Variants in SAMD5 observed in about 807,000 individuals in gnomAD.
SAMD5 encodes sterile alpha motif domain containing 5.
A neutral mutation model predicts 11.3 loss-of-function variants in SAMD5; 13 were observed. The ratio of observed to expected loss-of-function variants is 1.15; its 90% CI spans 0.75 to 1.83. The LOEUF (loss-of-function observed/expected upper bound fraction) is 1.83, where lower values mean the gene tolerates loss of function less well. Ranked by LOEUF, SAMD5 falls within the 40% of genes most tolerant of loss-of-function variation. The pLI is 0.00. For missense variants in SAMD5, 255 were observed against 239.1 expected, an observed-to-expected ratio of 1.07 and a Z score of -0.44; for synonymous variants, 129 against 111.3, an observed-to-expected ratio of 1.16 and a Z score of -1.00.
chr6:147,575,000 A>G (rs762069722), downstream of SAMD5, among the ~76,000 whole-genome samples: 20 of 152,238 alleles, frequency 1.3e-4, no homozygotes, highest in Non-Finnish European at 2.9e-4. Context: ...AACTATATTA[A>G]AAGTTTACAA....
At chr6:147,871,444 A>T in the SAMD5 span, among the ~76,000 whole-genome samples, 1 of 152,206 alleles carries the variant, frequency 6.6e-6, no homozygotes, top group Admixed American at 6.5e-5. Flanking sequence ...AAACGGAAAA[A>T]ACAAAAACAA....
chr6:147,715,246 C>T (rs1386290743), intron 1 of SAMD5, among the ~76,000 whole-genome samples: 2 of 152,234 alleles, frequency 1.3e-5, no homozygotes, highest in Non-Finnish European at 2.9e-5. Context: ...TCATGCCCGC[C>T]AAGAGTGAGC....
At chr6:147,667,809 TAAATAAGAGAAAATAAAAGATCATG>T (rs1790743657) in intron 1 of SAMD5, among the ~76,000 whole-genome samples, 1 of 152,080 alleles carries the variant, frequency 6.6e-6, no homozygotes, top group Non-Finnish European at 1.5e-5. Context: ...AATATCAGAG[TAAATAAGAGAAAATAAAAGATCATG>T]AAATAATATG....
chr6:147,555,043 C>A (rs1207221048), intron 1 of SAMD5, among the ~76,000 whole-genome samples: 1 of 152,190 alleles, frequency 6.6e-6, no homozygotes, highest in African/African-American at 2.4e-5. Context: ...TTACTGGATT[C>A]TTCACCCATA....
intron 1 of SAMD5, among the ~76,000 whole-genome samples, chr6:147,518,421 A>C (rs1788205050): frequency 6.6e-6 from 1 of 152,224 alleles, no homozygotes; most frequent in African/African-American, 2.4e-5. Context: ...CCCATGAAAA[A>C]TAAGGTAGAA....
chr6:147,677,520 T>C (rs1249382921), intron 1 of SAMD5, among the ~76,000 whole-genome samples: 1 of 152,126 alleles, frequency 6.6e-6, no homozygotes, highest in East Asian at 1.9e-4. Context: ...AGGAAAAATG[T>C]GATCTGTATC....
At chr6:147,816,762 T>C in the SAMD5 span, among the ~76,000 whole-genome samples, 4 of 152,184 alleles carry the variant, frequency 2.6e-5, no homozygotes, top group Admixed American at 2.0e-4. Flanking sequence ...TAGCCATCCC[T>C]AGAGGACCAT....
At chr6:147,850,505 T>G in the SAMD5 span, among the ~76,000 whole-genome samples, 4 of 152,154 alleles carry the variant, frequency 2.6e-5, no homozygotes, top group African/African-American at 9.7e-5. Flanking sequence ...AGTAATACAT[T>G]TTCAGCAAGT....
chr6:147,803,715 G>A, the SAMD5 span, among the ~76,000 whole-genome samples: 2 of 152,156 alleles, frequency 1.3e-5, no homozygotes, highest in African/African-American at 4.8e-5. Flanking sequence ...CCAAAGACAC[G>A]TGATCGGCAA....
At chr6:147,721,520 T>C (rs1433485488) in intron 1 of SAMD5, among the ~76,000 whole-genome samples, 1 of 152,262 alleles carries the variant, frequency 6.6e-6, no homozygotes, top group East Asian at 1.9e-4. Flanking sequence ...TCTGTTCATA[T>C]CCTTTGCCCA....
At chr6:147,795,400 A>AT in the SAMD5 span, among the ~76,000 whole-genome samples, 19 of 139,676 alleles carry the variant, frequency 1.4e-4, no homozygotes, top group Admixed American at 9.8e-4. Flanking sequence ...TGAACTCATC[A>AT]TTTTTTATGG....
At chr6:147,752,591 C>T in the SAMD5 span, among the ~76,000 whole-genome samples, 1 of 152,124 alleles carries the variant, frequency 6.6e-6, no homozygotes, top group African/African-American at 2.4e-5. Context: ...TGTGTACTCA[C>T]TGTGAGCTGT....
At chr6:147,889,010 A>G in the SAMD5 span, among the ~76,000 whole-genome samples, 2,464 of 152,186 alleles carry the variant, frequency 0.016, 60 homozygotes, top group African/African-American at 0.057. Context: ...TTGGACCTGT[A>G]GTCTACAACT....
chr6:147,592,917 C>T (rs1268209245), intron 1 of SAMD5, among the ~76,000 whole-genome samples: 1 of 152,106 alleles, frequency 6.6e-6, no homozygotes, highest in Non-Finnish European at 1.5e-5. Context: ...CCTCCTTAAG[C>T]CAGAGAACGC....
At chr6:147,890,001 A>T in the SAMD5 span, among the ~76,000 whole-genome samples, 3 of 151,922 alleles carry the variant, frequency 2.0e-5, no homozygotes, top group Non-Finnish European at 2.9e-5. Flanking sequence ...CTAGGAACCC[A>T]CTCTCTGCAC....
At chr6:147,844,670 A>T in the SAMD5 span, among the ~76,000 whole-genome samples, 8 of 58,486 alleles carry the variant, frequency 1.4e-4, no homozygotes, top group African/African-American at 9.1e-4. Flanking sequence ...AAACAATTTA[A>T]AAAAAAAAAA....
chr6:147,666,777 A>G (rs980143570), intron 1 of SAMD5, among the ~76,000 whole-genome samples: 7 of 152,226 alleles, frequency 4.6e-5, no homozygotes, highest in South Asian at 2.1e-4. Context: ...CCCAAGCCGG[A>G]AAAAGTCCAT....
the SAMD5 span, among the ~76,000 whole-genome samples, chr6:147,868,362 G>A: frequency 8.5e-5 from 13 of 152,196 alleles, no homozygotes; most frequent in Non-Finnish European, 1.8e-4. Context: ...ATAATTCATA[G>A]CAAGACTTGG....
intron 1 of SAMD5, among the ~76,000 whole-genome samples, chr6:147,658,876 T>C (rs1790607351): frequency 1.3e-5 from 2 of 152,196 alleles, no homozygotes; most frequent in Admixed American, 6.5e-5. Context: ...CTTGTATGGA[T>C]CAGCTAATTT....
Sources: gnomAD v4.1 joint callset for allele counts (sites outside exome capture counted in the v4.1 genomes callset) on GRCh38, gnomAD v4.1.1 for gene constraint, MANE v1.5 for transcripts, NCBI Gene and HGNC (gene_info 2026-07-23, HGNC 2026-07-21) for gene names.